Variants in NAA16 observed in about 807,000 individuals in gnomAD.
NAA16 encodes the protein N-alpha-acetyltransferase 16, NatA auxiliary subunit.
A neutral mutation model predicts 110.3 loss-of-function variants in NAA16; 97 were observed. The observed-to-expected ratio is 0.88, with a 90% CI of 0.75 to 1.04. The LOEUF is 1.04. Ranked by LOEUF, NAA16 falls within the 50% of genes least tolerant of loss-of-function variation. The probability of loss-of-function intolerance (pLI) is 0.00; values close to 1 mark genes in which losing one functional copy is unlikely to be tolerated. For missense variants in NAA16, 1,017 were observed against 1,005.1 expected, an observed-to-expected ratio of 1.01 and a Z score of -0.16; for synonymous variants, 372 against 330.6, an observed-to-expected ratio of 1.13 and a Z score of -1.36.
intron 7 of NAA16, 115 bp from the exon 8 acceptor site, chr13:41,331,159 G>T (rs1818162659): frequency 1.7e-6 from 1 of 604,270 alleles, no homozygotes. Context: ...ATTGAAAGCA[G>T]CTTTAATATT....
intron 9 of NAA16, 147 bp downstream of exon 9, chr13:41,336,903 C>G (rs2042395964): frequency 4.2e-6 from 2 of 475,866 alleles, no homozygotes; most frequent in African/African-American, 2.0e-5. Context: ...AAATTACATG[C>G]CTGTAGTATA....
At position 41,328,850 on chromosome 13, in the gene NAA16, A is replaced by G. The variant is rs1314769193; in HGVS notation, c.811+7A>G. The G allele has an allele frequency of 6.3e-7, 1 of 1,590,592 alleles. No homozygotes were observed. Among genetic ancestry groups the G allele is most frequent in the East Asian group, 2.2e-5 (1 of 44,526 alleles). ...GAAAAAGCTCTACAAATTAGTATGT[A>G]ATGATTTTTCTCCTCTTTCTCATAA... is the stretch of plus-strand genomic sequence containing the variant. On this transcript the variant is annotated splice_region_variant and intron_variant, in intron 7 of 19. Transcript: ENST00000379406.
In NAA16 at chr13:41,325,688, T is replaced by A; in HGVS notation, c.538-10T>A. The A allele has an allele frequency of 6.5e-7, 1 of 1,545,360 alleles. No individual in the cohort carries two copies. Among genetic ancestry groups the A allele is most frequent in the Non-Finnish European group, 8.8e-7 (1 of 1,137,262 alleles). ...TATACAAATAAAGTAATTTGGTCAT[T>A]TTTTTTCAGGTTCCTCCAAACAAAA... On this transcript the variant is annotated splice_polypyrimidine_tract_variant and intron_variant, in intron 5 of 19. Coordinates refer to ENST00000379406, the MANE Select transcript of NAA16 (RefSeq NM_024561.5).
Position 41,320,759 on chromosome 13 carries a change from A to G in NAA16, c.337A>G (p.Asn113Asp), listed in dbSNP as rs1439256268. 1.9e-6 allele frequency: 3 copies of G among 1,613,464 alleles called. No homozygotes were observed. The East Asian group carries it at 6.7e-5, about 36-fold the overall frequency. The change falls in exon 4 of 20, where the codon AAC (asparagine) becomes GAC (aspartate). Residue 113 changes from asparagine to aspartate, a missense_variant. Asn to Asp is a conservative substitution (Grantham distance 23). Coordinates refer to ENST00000379406, the MANE Select transcript of NAA16 (RefSeq NM_024561.5). ...YRNALKLDKD[N>D]LQILRDLSLL... ...AAATGCCCTCAAATTAGATAAAGAT[A>G]ACCTGCAAATTTTGAGGGATCTCTC... is the stretch of plus-strand genomic sequence containing the variant.
chr13:41,353,231 TC>T (rs1444732513), intron 9 of NAA16, among the ~76,000 whole-genome samples: 1 of 152,074 alleles, frequency 6.6e-6, no homozygotes, highest in African/African-American at 2.4e-5. Context: ...TGGCGCAAGT[TC>T]CTGAAAAAAA....
At chr13:41,338,268 T>C (rs56178303) in intron 9 of NAA16, among the ~76,000 whole-genome samples, 11,280 of 152,242 alleles carry the variant, frequency 0.074, 1,384 homozygotes, top group African/African-American at 0.26. Flanking sequence ...CAGTGGACAT[T>C]AAAGGATTTG....
Position 41,357,004 on chromosome 13 carries a change from C to T in NAA16, c.1088-1300C>T, listed in dbSNP as rs118163743. 5.3e-3 allele frequency among the ~76,000 whole-genome samples: 805 copies of T among 152,196 alleles called. 5 individuals are homozygous for T. The highest frequency in any genetic ancestry group is 9.9e-3 in the South Asian group (48 of 4,826). On this transcript the variant is annotated intron_variant, in intron 10 of 19. Transcript: ENST00000379406. Reference sequence around the variant, plus strand: ...TGATAAAGATTCAGATGTTGTCAGCCTGTTATACTCATTAAAAAGGTCCAT... The same window carrying T: ...TGATAAAGATTCAGATGTTGTCAGCTTGTTATACTCATTAAAAAGGTCCAT...
chr13:41,313,202 A>C (rs2139353610), intron 1 of NAA16, among the ~76,000 whole-genome samples: 1 of 152,266 alleles, frequency 6.6e-6, no homozygotes, highest in South Asian at 2.1e-4. Flanking sequence ...TCCCCAAATA[A>C]ATTGGGAAAT....
chr13:41,355,720 A>G (rs1220490558), intron 10 of NAA16, among the ~76,000 whole-genome samples: 1 of 152,018 alleles, frequency 6.6e-6, no homozygotes, highest in East Asian at 1.9e-4. Flanking sequence ...GAGCCACCAC[A>G]CCTGGGCTTA....
At chr13:41,326,189 T>C (rs2139398418) in intron 6 of NAA16, among the ~76,000 whole-genome samples, 1 of 152,256 alleles carries the variant, frequency 6.6e-6, no homozygotes, top group Middle Eastern at 3.4e-3. Context: ...CATATATAGT[T>C]AATTAAATAC....
In NAA16 at chr13:41,358,457, A is replaced by C; in HGVS notation, c.1241A>C (p.Lys414Thr). The change falls in exon 11 of 20, where the codon AAA becomes ACA. Residue 414 changes from lysine (K) to threonine (T), a missense_variant. Physicochemically the swap from Lys to Thr is moderately conservative, Grantham distance 78. Transcript: ENST00000379406. The part of the protein sequence containing the change: ...TPTLIELFYM[K>T]AKIYKHIGNL... ...ACTCTAATAGAATTATTCTATATGAAAGCAAAAATTTACAAGGTAAAATCT... is the reference window on the plus strand; with the variant it reads ...ACTCTAATAGAATTATTCTATATGACAGCAAAAATTTACAAGGTAAAATCT... The C allele has an allele frequency of 6.2e-7, 1 of 1,613,408 alleles. No homozygotes were observed. Among genetic ancestry groups the C allele is most frequent in the Non-Finnish European group, 8.5e-7 (1 of 1,179,426 alleles).
chr13:41,346,822 GTTCT>G (rs1314580698), intron 9 of NAA16, among the ~76,000 whole-genome samples: 2 of 152,080 alleles, frequency 1.3e-5, no homozygotes, highest in Non-Finnish European at 2.9e-5. Flanking sequence ...AGCTAGAAAG[GTTCT>G]TTAACATGTT....
At chr13:41,362,230 A>T in intron 13 of NAA16, 71 bp downstream of exon 13, 1 of 1,471,762 alleles carries the variant, frequency 6.8e-7, no homozygotes, top group Non-Finnish European at 9.1e-7. Context: ...TCTACACAGG[A>T]TCATCTGCCT....
At chr13:41,355,079 C>G in intron 9 of NAA16, 65 bp from the exon 10 acceptor site, 1 of 987,258 alleles carries the variant, frequency 1.0e-6, no homozygotes, top group Non-Finnish European at 1.5e-6. Flanking sequence ...GTAATTTAAA[C>G]CATAATAGGT....
intron 8 of NAA16, among the ~76,000 whole-genome samples, chr13:41,332,742 C>G (rs2042273376): frequency 6.6e-6 from 1 of 151,928 alleles, no homozygotes; most frequent in Non-Finnish European, 1.5e-5. Flanking sequence ...TGTTTAAATA[C>G]TTGGGTTATA....
rs998881369 is a variant in NAA16, at chr13:41,375,655, T to G, written c.*53T>G. On this transcript the variant is annotated 3_prime_UTR_variant, in exon 20 of 20. Coordinates refer to ENST00000379406, the MANE Select transcript of NAA16 (RefSeq NM_024561.5). ...ACTCAAAGCTGAATTGAGATCAGGG[T>G]TTCTTTTCCAGGGTGCATTTTAATA... The G allele has an allele frequency of 2.2e-6, 3 of 1,393,520 alleles. No homozygotes were observed. The highest frequency in any genetic ancestry group is 2.2e-5 in the Admixed American group (1 of 44,666). 86.3% of individuals were successfully genotyped at this position (1,393,520 alleles called of 1,614,324 possible). A position where few individuals can be genotyped will look rare whatever the true frequency, so the allele number is the denominator to read the frequency against.
chr13:41,355,081 A>G (rs2042947465), intron 9 of NAA16, 63 bp from the exon 10 acceptor site: 2 of 1,010,224 alleles, frequency 2.0e-6, no homozygotes, highest in Admixed American at 2.2e-5. Context: ...AATTTAAACC[A>G]TAATAGGTAA....
intron 12 of NAA16, among the ~76,000 whole-genome samples, chr13:41,360,105 C>T (rs2043082261): frequency 6.6e-6 from 1 of 152,018 alleles, no homozygotes; most frequent in African/African-American, 2.4e-5. Flanking sequence ...AACATAAAAC[C>T]AATTATGTTT....
chr13:41,365,776 G>A (rs2139508963), intron 13 of NAA16, among the ~76,000 whole-genome samples: 1 of 152,238 alleles, frequency 6.6e-6, no homozygotes, highest in South Asian at 2.1e-4. Flanking sequence ...ATAAAGAGGT[G>A]GCTTAAATAT....
Sources: allele counts gnomAD v4.1 joint callset (sites outside exome capture counted in the v4.1 genomes callset), GRCh38; gene constraint gnomAD v4.1.1; transcripts MANE v1.5; gene names NCBI Gene and HGNC (gene_info 2026-07-23, HGNC 2026-07-21).